Variants in SEMA4F observed in about 807,000 individuals in gnomAD.
SEMA4F encodes semaphorin-4F.
A neutral mutation model predicts 78.4 loss-of-function variants in SEMA4F; 51 were observed. The observed-to-expected ratio is 0.65, with a 90% CI of 0.52 to 0.82. The LOEUF is 0.82. SEMA4F is among the 40% of genes least tolerant of loss of function. The pLI is 0.00. For synonymous variants in SEMA4F, 418 were observed against 408.7 expected (o/e 1.02, Z -0.27); for missense variants, 938 against 1,014.4 (o/e 0.92, Z 1.02).
At chr2:74,654,548 G>T in intron 1 of SEMA4F, 27 bp downstream of exon 1, 1 of 1,518,382 alleles carries the variant, frequency 6.6e-7, no homozygotes. Flanking sequence ...CACGCCCTCA[G>T]CCCTTCGCGC....
chr2:74,656,732 T>G (rs1291614179), intron 2 of SEMA4F, 47 bp downstream of exon 2: 8 of 1,591,420 alleles, frequency 5.0e-6, no homozygotes, highest in Non-Finnish European at 6.0e-6. Flanking sequence ...AGCATGTGAT[T>G]AAATCTATGA....
chr2:74,688,427 T>A (rs1039084049), downstream of SEMA4F, among the ~76,000 whole-genome samples: 9 of 152,144 alleles, frequency 5.9e-5, no homozygotes, highest in African/African-American at 2.2e-4. Context: ...TTGCAATACT[T>A]GAAAAAATGT....
downstream of SEMA4F, among the ~76,000 whole-genome samples, chr2:74,687,616 G>T (rs936077871): frequency 2.6e-5 from 4 of 152,222 alleles, no homozygotes; most frequent in African/African-American, 9.6e-5. Flanking sequence ...CGCAGGTCCT[G>T]CTGAGAGGCC....
At position 74,671,923 on chromosome 2, in the gene SEMA4F, C is replaced by T. The variant is rs143747326; in HGVS notation, c.551-1534C>T. ...TTCAAATCCTGTTAATGGATTCTAC[C>T]TCAGAAATACCTTCCAAATCCAGCC... On this transcript the variant is annotated intron_variant, in intron 5 of 13. Transcript: ENST00000357877. Among the ~76,000 whole-genome samples, 543 of 152,316 alleles carry T rather than the reference C, an allele frequency of 3.6e-3. 2 individuals are homozygous for T. Among genetic ancestry groups the T allele is most frequent in the African/African-American group, 0.012 (512 of 41,570 alleles).
At chr2:74,679,527 C>T in intron 13 of SEMA4F, 72 bp from the exon 14 acceptor site, 1 of 1,545,376 alleles carries the variant, frequency 6.5e-7, no homozygotes, top group Non-Finnish European at 8.7e-7. Context: ...TCCGACATCA[C>T]CCCACACTTT....
the SEMA4F span, among the ~76,000 whole-genome samples, chr2:74,694,316 A>G: frequency 1.3e-5 from 2 of 152,104 alleles, no homozygotes; most frequent in Admixed American, 1.3e-4. Flanking sequence ...ATTGTTAGAC[A>G]TTGAGCAGCT....
rs1684274090 is a variant in SEMA4F at position 74,658,559 on chromosome 2, T to C, written c.456+608T>C. Among the ~76,000 whole-genome samples, 1 of 152,250 alleles carries C rather than the reference T, an allele frequency of 6.6e-6. No homozygotes were observed. The highest frequency in any genetic ancestry group is 1.5e-5 in the Non-Finnish European group (1 of 68,042). ...GTCAATCATGTTTTCTTATAGATCC[T>C]GTTTATTGCTGCTGAAGGCCTGGAC... On this transcript the variant is annotated intron_variant, in intron 4 of 13. Transcript: ENST00000357877. This position sits in a 1 kb window ranked among gnomAD's most constrained non-coding sequence, Gnocchi z 4.3.
Position 74,673,809 on chromosome 2 carries a change from G to A in SEMA4F, c.803G>A (p.Arg268Gln), listed in dbSNP as rs775485801. ...FDSYERIKVP[R>Q]VARVCAGDLG... ...TCATACGAGCGCATTAAAGTCCCACGGGTGGCCCGTGTGTGTGCGGTGAGA... is the reference window on the plus strand; with the variant it reads ...TCATACGAGCGCATTAAAGTCCCACAGGTGGCCCGTGTGTGTGCGGTGAGA... Residue 268 changes from arginine to glutamine, a missense_variant, in exon 7 of 14, where the codon CGG becomes CAG. Transcript: ENST00000357877. 7.4e-6 allele frequency: 12 copies of A among 1,613,818 alleles called. 1 individual carries two copies. The highest frequency in any genetic ancestry group is 6.7e-5 in the African/African-American group (5 of 74,920).
chr2:74,679,858 C>G lies in SEMA4F; in HGVS notation c.1962C>G (p.Ser654Arg). Residue 654 changes from serine (S) to arginine (R), a missense_variant, in exon 14 of 14, where the codon AGC becomes AGG. Transcript: ENST00000357877. The part of the protein sequence containing the change: ...LVWGSQRDAP[S>R]RAHTVGAGLA... Reference sequence around the variant, plus strand: ...GGGGCAGCCAGCGAGATGCTCCGAGCCGGGCCCACACAGTGGGGGCGGGAC... The same window carrying G: ...GGGGCAGCCAGCGAGATGCTCCGAGGCGGGCCCACACAGTGGGGGCGGGAC... The G allele has an allele frequency of 6.2e-7, 1 of 1,614,178 alleles. No individual in the cohort carries two copies. Among genetic ancestry groups the G allele is most frequent in the Non-Finnish European group, 8.5e-7 (1 of 1,180,020 alleles).
chr2:74,684,754 A>G (rs191810170), downstream of SEMA4F, among the ~76,000 whole-genome samples: 175 of 152,306 alleles, frequency 1.1e-3, no homozygotes, highest in Admixed American at 2.5e-3. Context: ...ACTTGAGCCC[A>G]GGAGTTCCAG....
At chr2:74,700,312 G>A in the SEMA4F span, among the ~76,000 whole-genome samples, 1 of 152,042 alleles carries the variant, frequency 6.6e-6, no homozygotes, top group East Asian at 1.9e-4. Flanking sequence ...CCAGTAAAGG[G>A]AGCAATGGTA....
the SEMA4F span, among the ~76,000 whole-genome samples, chr2:74,689,514 T>C: frequency 1.3e-5 from 2 of 152,200 alleles, no homozygotes; most frequent in African/African-American, 4.8e-5. Flanking sequence ...AAATTTATTT[T>C]AAGGAAATAG....
rs1046432174 is a variant in SEMA4F at position 74,683,225 on chromosome 2, A to G, written c.*3016A>G. ...GATGATTGGACCTGTCTAGTCAGGG[A>G]GGCTGAGGCCTCAGGCCTTCATTAG... On this transcript the variant is annotated 3_prime_UTR_variant, in exon 14 of 14. Transcript: ENST00000357877. The G allele has an allele frequency of 6.6e-6, 1 of 152,220 alleles. No individual in the cohort carries two copies. Among genetic ancestry groups the G allele is most frequent in the African/African-American group, 2.4e-5 (1 of 41,456 alleles). The allele number at this position is 152,220 out of a possible 1,614,324, so 9.4% of individuals were successfully genotyped here.
At position 74,673,721 on chromosome 2, in the gene SEMA4F, G is replaced by A; in HGVS notation, c.715G>A (p.Gly239Arg). The A allele has an allele frequency of 6.2e-7, 1 of 1,614,160 alleles. No homozygotes were observed. The highest frequency in any genetic ancestry group is 8.5e-7 in the Non-Finnish European group (1 of 1,180,032). The part of the protein sequence containing the change: ...AAVALSPAEW[G>R]DEDGDDEIYF... ...CGTGGCCTTGAGCCCAGCCGAATGG[G>A]GGGATGAAGATGGAGACGACGAAAT... The change falls in exon 7 of 14, where the codon GGG becomes AGG. Residue 239 changes from glycine (G) to arginine (R), a missense_variant. By Grantham distance (125) the Gly-to-Arg change is moderately radical. Coordinates refer to ENST00000357877, the MANE Select transcript of SEMA4F (RefSeq NM_004263.5).
At chr2:74,663,130 A>G (rs1684511708) in intron 5 of SEMA4F, among the ~76,000 whole-genome samples, 1 of 152,228 alleles carries the variant, frequency 6.6e-6, no homozygotes, top group Non-Finnish European at 1.5e-5. Context: ...ATATACTACA[A>G]TGCATATTGT....
the SEMA4F span, among the ~76,000 whole-genome samples, chr2:74,694,473 G>T: frequency 2.0e-5 from 3 of 152,292 alleles, no homozygotes; most frequent in Admixed American, 2.0e-4. Context: ...AGTAGTAAAT[G>T]CAGAGTTTGA....
chr2:74,673,017 T>C (rs1202908928), intron 5 of SEMA4F, among the ~76,000 whole-genome samples: 1 of 152,192 alleles, frequency 6.6e-6, no homozygotes, highest in Admixed American at 6.5e-5. Flanking sequence ...GTACGCCCAC[T>C]AATGTTCAGA....
At chr2:74,662,697 G>A (rs1429754812) in intron 4 of SEMA4F, 35 bp from the exon 5 acceptor site, 1 of 1,550,830 alleles carries the variant, frequency 6.4e-7, no homozygotes, top group Non-Finnish European at 8.9e-7. Flanking sequence ...CCTTCCCTAT[G>A]ACCCCTAAAC....
At chr2:74,694,921 A>G in the SEMA4F span, among the ~76,000 whole-genome samples, 3 of 152,010 alleles carry the variant, frequency 2.0e-5, no homozygotes, top group African/African-American at 7.3e-5. Flanking sequence ...TTATTTATCC[A>G]CTCGCCTCCT....
Sources: gnomAD v4.1 joint callset for allele counts (sites outside exome capture counted in the v4.1 genomes callset) on GRCh38, gnomAD v4.1.1 for gene constraint, Gnocchi (gnomAD v3.1) non-coding constraint, MANE v1.5 for transcripts, NCBI Gene and HGNC (gene_info 2026-07-23, HGNC 2026-07-21) for gene names.